The following MICU1 variants were observed in gnomAD, a reference collection of about 807,000 sequenced individuals.
The protein encoded by MICU1 is mitochondrial calcium uptake 1.
A neutral mutation model predicts 56.8 loss-of-function variants in MICU1; 45 were observed. That is an observed-to-expected ratio of 0.79 (90% CI 0.62 to 1.02). MICU1 has a LOEUF of 1.02. Ranked by LOEUF, MICU1 falls within the 50% of genes least tolerant of loss-of-function variation. The probability of loss-of-function intolerance (pLI) is 0.00; values close to 1 mark genes in which losing one functional copy is unlikely to be tolerated. For missense variants in MICU1, 504 were observed against 587.1 expected, an observed-to-expected ratio of 0.86 and a Z score of 1.46; for synonymous variants, 186 against 195.1, an observed-to-expected ratio of 0.95 and a Z score of 0.39.
At chr10:72,588,576 C>G (rs995728330) in intron 1 of MICU1, among the ~76,000 whole-genome samples, 1 of 152,116 alleles carries the variant, frequency 6.6e-6, no homozygotes, top group Non-Finnish European at 1.5e-5. Flanking sequence ...AGTTAGACAA[C>G]AAAACTCAGT....
chr10:72,495,081 T>C (rs992631099), intron 6 of MICU1, among the ~76,000 whole-genome samples: 2 of 152,170 alleles, frequency 1.3e-5, no homozygotes, highest in African/African-American at 4.8e-5. Context: ...GTCAAAAAGC[T>C]TGGATTTCCC....
intron 8 of MICU1, 53 bp from the exon 9 acceptor site, chr10:72,423,424 G>A (rs374205663): frequency 1.2e-5 from 19 of 1,579,840 alleles, no homozygotes; most frequent in Middle Eastern, 1.7e-4. Flanking sequence ...GTATTTTGAC[G>A]TGGAACACGG....
At chr10:72,572,107 T>A (rs1290478724) in intron 1 of MICU1, among the ~76,000 whole-genome samples, 2 of 151,768 alleles carry the variant, frequency 1.3e-5, no homozygotes, top group Non-Finnish European at 2.9e-5. Flanking sequence ...CTGTATATAC[T>A]AAAGAAGCTC....
intron 9 of MICU1, among the ~76,000 whole-genome samples, chr10:72,408,319 T>C (rs1460294536): frequency 1.3e-5 from 2 of 151,898 alleles, no homozygotes; most frequent in African/African-American, 4.8e-5. Flanking sequence ...TATTTCTTCT[T>C]TTTTTTTGAG....
chr10:72,617,727 G>C (rs1003932691), intron 1 of MICU1, among the ~76,000 whole-genome samples: 6 of 152,188 alleles, frequency 3.9e-5, no homozygotes, highest in Admixed American at 2.6e-4. Context: ...AGCTGCTCAG[G>C]AGGTTGAGAT....
intron 5 of MICU1, among the ~76,000 whole-genome samples, chr10:72,520,762 T>C (rs930060731): frequency 3.9e-5 from 6 of 152,088 alleles, no homozygotes; most frequent in Non-Finnish European, 8.8e-5. Context: ...AAAGCAATAA[T>C]AAAACATTTT....
intron 8 of MICU1, among the ~76,000 whole-genome samples, chr10:72,445,171 G>A (rs1004256): frequency 0.53 from 80,735 of 152,038 alleles, 23,202 homozygotes; most frequent in Non-Finnish European, 0.67. Context: ...GATAGGCAAC[G>A]TCAGACTTTG....
rs71021511 is a variant in MICU1, at chr10:72,586,013, C to CTTTTTTTTTTTTTTTT, written c.-1-19235_-1-19220dup. Among the ~76,000 whole-genome samples the CTTTTTTTTTTTTTTTT allele has an allele frequency of 2.7e-3, 201 of 74,710 alleles. 6 individuals carry two copies. The highest frequency in any genetic ancestry group is 3.7e-3 in the Non-Finnish European group (156 of 42,596). The allele number at this position is 74,710 out of a possible 152,430, so 49.0% of individuals were successfully genotyped here. A position where few individuals can be genotyped will look rare whatever the true frequency, so the allele number is the denominator to read the frequency against. On this transcript the variant is annotated intron_variant, in intron 1 of 11. Transcript: ENST00000361114. ...GTTTTTATTTTTTCTTTTTTTTTTT[C>CTTTTTTTTTTTTTTTT]TTTTTTTTTTTTTTTTTTTGAGACA...
intron 3 of MICU1, among the ~76,000 whole-genome samples, chr10:72,553,437 G>T (rs1407415527): frequency 6.6e-6 from 1 of 152,074 alleles, no homozygotes; most frequent in Non-Finnish European, 1.5e-5. Flanking sequence ...GTTTCACCGT[G>T]TTAGCCAGGA....
chr10:72,506,129 C>T (rs2132342912), intron 6 of MICU1, among the ~76,000 whole-genome samples: 1 of 152,034 alleles, frequency 6.6e-6, no homozygotes, highest in South Asian at 2.1e-4. Context: ...CACATTCAAA[C>T]TAGGAGTTGA....
intron 6 of MICU1, among the ~76,000 whole-genome samples, chr10:72,500,304 T>TA (rs1867023812): frequency 2.6e-4 from 2 of 7,684 alleles, no homozygotes; most frequent in South Asian, 3.8e-3. Context: ...ATATATATAT[T>TA]TTTTTTTTTT....
chr10:72,574,517 C>G (rs899645424), intron 1 of MICU1, among the ~76,000 whole-genome samples: 1 of 151,452 alleles, frequency 6.6e-6, no homozygotes, highest in Non-Finnish European at 1.5e-5. Flanking sequence ...GAAACTCCAT[C>G]TCAAAAAAAT....
At chr10:72,559,236 C>T (rs981406916) in intron 3 of MICU1, among the ~76,000 whole-genome samples, 1 of 151,944 alleles carries the variant, frequency 6.6e-6, no homozygotes, top group South Asian at 2.1e-4. Context: ...TTTAGGATAC[C>T]AGTTTACCTC....
chr10:72,538,683 A>G (rs925269234), intron 4 of MICU1, among the ~76,000 whole-genome samples: 1 of 152,142 alleles, frequency 6.6e-6, no homozygotes, highest in Non-Finnish European at 1.5e-5. Context: ...AAAAAAAGGA[A>G]GAGAGGGGTT....
chr10:72,501,187 C>A (rs1399277255), intron 6 of MICU1, among the ~76,000 whole-genome samples: 1 of 151,898 alleles, frequency 6.6e-6, no homozygotes, highest in Non-Finnish European at 1.5e-5. Context: ...TCAAGTTAAT[C>A]CATCAAAGCT....
chr10:72,572,470 G>C lies in MICU1; in HGVS notation c.-1-5676C>G, dbSNP rs914435143. ...TTTGACTCCCAAATAAACTTAATGA[G>C]AAAAACCTGTTTAATAACTGTTCTC... is the stretch of plus-strand genomic sequence containing the variant. On this transcript the variant is annotated intron_variant, in intron 1 of 11. Transcript: ENST00000361114. Among the ~76,000 whole-genome samples, 6 of 151,786 alleles carry C rather than the reference G, an allele frequency of 4.0e-5. No homozygotes were observed. In the East Asian group the frequency reaches 1.2e-3, roughly 29 times the overall value.
chr10:72,457,099 T>C (rs1865494885), intron 8 of MICU1, among the ~76,000 whole-genome samples: 5 of 151,852 alleles, frequency 3.3e-5, no homozygotes, highest in African/African-American at 1.2e-4. Context: ...GACGGAATTA[T>C]AGGCTTGAGC....
chr10:72,535,026 T>TTTTATTTTATTTTA (rs1839595510), intron 4 of MICU1, among the ~76,000 whole-genome samples: 1 of 134,744 alleles, frequency 7.4e-6, no homozygotes, highest in African/African-American at 3.3e-5. Context: ...TTTTATTTTA[T>TTTTATTTTATTTTA]TTTATTTTAT....
chr10:72,624,181 C>A (rs1842175643), intron 1 of MICU1, among the ~76,000 whole-genome samples: 1 of 152,042 alleles, frequency 6.6e-6, no homozygotes, highest in East Asian at 1.9e-4. Context: ...GGAGAAATTT[C>A]ATATCGTTTT....
Sources: allele counts gnomAD v4.1 joint callset (sites outside exome capture counted in the v4.1 genomes callset), GRCh38; gene constraint gnomAD v4.1.1; transcripts MANE v1.5; gene names NCBI Gene and HGNC (gene_info 2026-07-23, HGNC 2026-07-21).